CXCL13: variants seen among roughly 807,000 people sequenced by gnomAD.
The protein encoded by CXCL13 is C-X-C motif chemokine ligand 13.
CXCL13 carries 7 observed loss-of-function variants against 12.2 expected under a neutral mutation model. The observed-to-expected ratio is 0.57, with a 90% CI of 0.33 to 1.07. The LOEUF (loss-of-function observed/expected upper bound fraction) is 1.07. Ranked by LOEUF, CXCL13 falls within the 50% of genes least tolerant of loss-of-function variation. The pLI is 0.04. For synonymous variants in CXCL13, 47 were observed against 42.4 expected, an observed-to-expected ratio of 1.11 and a Z score of -0.42; for missense variants, 113 against 127.4, an observed-to-expected ratio of 0.89 and a Z score of 0.55.
chr4:77,600,855 G>C (rs1359399217), upstream of CXCL13, among the ~76,000 whole-genome samples: 1 of 151,922 alleles, frequency 6.6e-6, no homozygotes, highest in Non-Finnish European at 1.5e-5. Flanking sequence ...GATTTTTAGG[G>C]GTTTTTCTCC....
intron 1 of CXCL13, among the ~76,000 whole-genome samples, chr4:77,531,263 A>C (rs1331737855): frequency 8.0e-6 from 1 of 125,130 alleles, no homozygotes; most frequent in African/African-American, 2.9e-5. Flanking sequence ...TCCTAATGCT[A>C]TCCCTCCCCC....
At chr4:77,597,175 T>TA (rs1726786580) in intron 1 of CXCL13, among the ~76,000 whole-genome samples, 1 of 152,164 alleles carries the variant, frequency 6.6e-6, no homozygotes, top group South Asian at 2.1e-4. Flanking sequence ...GAGAAACATT[T>TA]AAAAAATGAT....
chr4:77,516,041 C>A (rs931185214), intron 1 of CXCL13, among the ~76,000 whole-genome samples: 8 of 152,142 alleles, frequency 5.3e-5, no homozygotes, highest in South Asian at 2.1e-4. Flanking sequence ...TTGTCAAAGG[C>A]CTTTTCTGCA....
chr4:77,519,704 A>G (rs1008958902), intron 1 of CXCL13, among the ~76,000 whole-genome samples: 1 of 152,156 alleles, frequency 6.6e-6, no homozygotes, highest in African/African-American at 2.4e-5. Context: ...GCTGTGCAGA[A>G]GATCTTTAGT....
intron 1 of CXCL13, among the ~76,000 whole-genome samples, chr4:77,519,565 G>GT (rs1395730487): frequency 6.6e-6 from 1 of 152,122 alleles, no homozygotes; most frequent in Non-Finnish European, 1.5e-5. Context: ...TGATGGGGTT[G>GT]TTTTTTTCTC....
At chr4:77,587,946 G>A (rs1726516901) in intron 1 of CXCL13, among the ~76,000 whole-genome samples, 1 of 152,204 alleles carries the variant, frequency 6.6e-6, no homozygotes, top group Non-Finnish European at 1.5e-5. Context: ...GCCCTCACAA[G>A]TGACCAGCAC....
chr4:77,552,772 T>G (rs1161212701), intron 1 of CXCL13, among the ~76,000 whole-genome samples: 1 of 152,214 alleles, frequency 6.6e-6, no homozygotes, highest in Non-Finnish European at 1.5e-5. Context: ...TGGCCTAAAC[T>G]TCTGATCCAA....
intron 1 of CXCL13, among the ~76,000 whole-genome samples, chr4:77,598,197 A>G (rs1343554784): frequency 6.6e-6 from 1 of 152,224 alleles, no homozygotes; most frequent in Non-Finnish European, 1.5e-5. Flanking sequence ...GCTGTGGAAT[A>G]TGCTCCTGTG....
exon 1 of CXCL13, chr4:77,511,762 T>A (rs1724280336): frequency 6.6e-6 from 1 of 152,186 alleles, no homozygotes; most frequent in Admixed American, 6.6e-5. Context: ...GGAGAAGATG[T>A]TTGAAAAAAC....
In CXCL13 at chr4:77,611,417, A is replaced by G. The variant is rs1578076549; in HGVS notation, c.*378A>G. ...TGTGGCTTGAATTAAGAAGAAAATT[A>G]TGGCATATATTAAAAGCAGGCTTCT... On this transcript the variant is annotated 3_prime_UTR_variant, in exon 4 of 4. Coordinates refer to ENST00000682537, the MANE Select transcript of CXCL13 (RefSeq NM_001371558.1). 3 of 375,144 alleles carry G rather than the reference A, an allele frequency of 8.0e-6. No individual in the cohort carries two copies. The highest frequency in any genetic ancestry group is 2.9e-4 in the South Asian group (2 of 6,940). The allele number at this position is 375,144 out of a possible 1,614,324, so 23.2% of individuals were successfully genotyped here.
At chr4:77,529,065 G>T (rs867185421) in intron 1 of CXCL13, among the ~76,000 whole-genome samples, 4 of 152,074 alleles carry the variant, frequency 2.6e-5, no homozygotes, top group Admixed American at 2.6e-4. Flanking sequence ...TTTTTGTCAG[G>T]TTTGTCAAAG....
At chr4:77,532,395 G>A (rs949313645) in intron 1 of CXCL13, among the ~76,000 whole-genome samples, 1 of 152,156 alleles carries the variant, frequency 6.6e-6, no homozygotes, top group Non-Finnish European at 1.5e-5. Context: ...CTGGCTTATA[G>A]AATTTCTGCC....
chr4:77,538,025 A>C (rs990653667), intron 1 of CXCL13, among the ~76,000 whole-genome samples: 6 of 152,218 alleles, frequency 3.9e-5, no homozygotes, highest in African/African-American at 1.2e-4. Flanking sequence ...GAATCTGAGA[A>C]CACAGACAAC....
chr4:77,516,895 T>C (rs959727968), intron 1 of CXCL13, among the ~76,000 whole-genome samples: 10 of 152,220 alleles, frequency 6.6e-5, no homozygotes, highest in Non-Finnish European at 1.3e-4. Flanking sequence ...TTTAATTTGA[T>C]GTTAGGGTGT....
At chr4:77,538,229 C>T (rs113461139) in intron 1 of CXCL13, among the ~76,000 whole-genome samples, 2 of 152,124 alleles carry the variant, frequency 1.3e-5, no homozygotes, top group African/African-American at 4.8e-5. Flanking sequence ...CAGTTCATGA[C>T]TACATAGGCT....
intron 1 of CXCL13, among the ~76,000 whole-genome samples, chr4:77,553,101 G>T (rs550051216): frequency 1.3e-5 from 2 of 152,276 alleles, no homozygotes; most frequent in South Asian, 4.1e-4. Flanking sequence ...TAGCAGATTG[G>T]TGTACCCAGC....
At chr4:77,544,840 G>A (rs563848688) in intron 1 of CXCL13, among the ~76,000 whole-genome samples, 4 of 152,280 alleles carry the variant, frequency 2.6e-5, no homozygotes, top group Admixed American at 2.6e-4. Context: ...GTCCTGAATG[G>A]TATTGCCTAG....
chr4:77,553,885 T>A (rs748274830), intron 1 of CXCL13, among the ~76,000 whole-genome samples: 9 of 152,186 alleles, frequency 5.9e-5, no homozygotes, highest in Non-Finnish European at 8.8e-5. Flanking sequence ...GTGTACAATG[T>A]AAGGACTATA....
intron 1 of CXCL13, among the ~76,000 whole-genome samples, chr4:77,586,227 A>G (rs1480613882): frequency 6.6e-6 from 1 of 151,814 alleles, no homozygotes; most frequent in East Asian, 1.9e-4. Context: ...ATATTTTGTG[A>G]ATAAGAGGCC....
Sources: gnomAD v4.1 joint callset for allele counts (sites outside exome capture counted in the v4.1 genomes callset) on GRCh38, gnomAD v4.1.1 for gene constraint, MANE v1.5 for transcripts, NCBI Gene and HGNC (gene_info 2026-07-23, HGNC 2026-07-21) for gene names.